ENG: variants seen among roughly 807,000 people sequenced by gnomAD.
ENG encodes the protein endoglin.
In ENG, 17 loss-of-function variants were observed where a neutral mutation model predicts 71.0. The ratio of observed to expected loss-of-function variants is 0.24; its 90% CI spans 0.16 to 0.36. The LOEUF (loss-of-function observed/expected upper bound fraction) is 0.36, where lower values mean the gene tolerates loss of function less well. Ranked by LOEUF, ENG falls within the 10% of genes least tolerant of loss-of-function variation. The probability of loss-of-function intolerance (pLI) is 1.00; values close to 1 mark genes in which losing one functional copy is unlikely to be tolerated. For synonymous variants in ENG, 360 were observed against 366.9 expected (o/e 0.98, Z 0.21); for missense variants, 749 against 868.3 (o/e 0.86, Z 1.73).
chr9:127,826,723 T>A, intron 3 of ENG, 51 bp from the exon 4 acceptor site: 1 of 1,607,404 alleles, frequency 6.2e-7, no homozygotes, highest in Non-Finnish European at 8.5e-7. Context: ...CTGTGCCCTC[T>A]CTATCCCATG....
intron 1 of ENG, 78 bp from the exon 2 acceptor site, chr9:127,843,323 A>G: frequency 6.3e-7 from 1 of 1,599,642 alleles, no homozygotes; most frequent in African/African-American, 1.3e-5. Context: ...AACGTCTCCT[A>G]GGGACTTGAC....
At position 127,824,737 on chromosome 9, in the gene ENG, AAC is replaced by A. The variant is rs1042205396; in HGVS notation, c.991+61_991+62del. 38 of 1,413,592 alleles carry A rather than the reference AAC, an allele frequency of 2.7e-5. No homozygotes were observed. In the African/African-American group the frequency reaches 5.2e-4, roughly 19 times the overall value. The allele number at this position is 1,413,592 out of a possible 1,614,324, so 87.6% of individuals were successfully genotyped here. ...CAAGCTCACACAGAGGTGCTTCACCAACAGTGTGGCCACTGATCCAAGGGAGG... is the reference window on the plus strand; with the variant it reads ...CAAGCTCACACAGAGGTGCTTCACCAAGTGTGGCCACTGATCCAAGGGAGG... On this transcript the variant is annotated intron_variant, in intron 7 of 14. Coordinates refer to ENST00000373203, the MANE Select transcript of ENG (RefSeq NM_001114753.3).
At chr9:127,816,110 C>A in intron 13 of ENG, 57 bp from the exon 14 acceptor site, 1 of 1,575,320 alleles carries the variant, frequency 6.3e-7, no homozygotes, top group East Asian at 2.3e-5. Flanking sequence ...ATCCCCTACC[C>A]TGTTGTGCTG....
Position 127,846,499 on chromosome 9 carries a change from TC to T in ENG, c.68-3255del, listed in dbSNP as rs1371754373. Among the ~76,000 whole-genome samples the T allele has an allele frequency of 6.6e-6, 1 of 152,068 alleles. No homozygotes were observed. Among genetic ancestry groups the T allele is most frequent in the East Asian group, 1.9e-4 (1 of 5,186 alleles). ...CCAGACTTCCAGGAACCCCAGTTCC[TC>T]CCGGATTGCTGGGGCCGCCTGGGGC... On this transcript the variant is annotated intron_variant, in intron 1 of 14. Transcript: ENST00000373203. The surrounding 1 kb of genome is among the most constrained non-coding windows in gnomAD (Gnocchi z 5.5).
chr9:127,816,179 C>T lies in ENG; in HGVS notation c.1742-126G>A. ...CCATGGACCCTCGACTTCTCTGAAC[C>T]TCAGTCTCCTCTTGCAGCAAACGGG... On this transcript the variant is annotated intron_variant, in intron 13 of 14. Transcript: ENST00000373203. The T allele has an allele frequency of 4.2e-6, 5 of 1,182,996 alleles. No individual in the cohort carries two copies. In the South Asian group the frequency reaches 5.3e-5, roughly 13 times the overall value. The allele number at this position is 1,182,996 out of a possible 1,614,324, so 73.3% of individuals were successfully genotyped here. A position where few individuals can be genotyped will look rare whatever the true frequency, so the allele number is the denominator to read the frequency against.
At chr9:127,818,889 A>T in intron 10 of ENG, 57 bp from the exon 11 acceptor site, 4 of 1,440,288 alleles carry the variant, frequency 2.8e-6, no homozygotes, top group Non-Finnish European at 3.9e-6. Flanking sequence ...CAGGAGGGCG[A>T]GGGGTGTGGG....
rs1036511427 is a variant in ENG, at chr9:127,838,486, T to C, written c.219+4608A>G. Among the ~76,000 whole-genome samples, 6 of 152,078 alleles carry C rather than the reference T, an allele frequency of 3.9e-5. No homozygotes were observed. Among genetic ancestry groups the C allele is most frequent in the African/African-American group, 1.4e-4 (6 of 41,406 alleles). On this transcript the variant is annotated intron_variant, in intron 2 of 14. Transcript: ENST00000373203. This position sits in a 1 kb window ranked among gnomAD's most constrained non-coding sequence, Gnocchi z 4.3. ...AGCTAAGGTCCCTCCCGGCTCTCTCTCTCTGCCTGAGTGGTGTTGCCTGCC... is the reference window on the plus strand; with the variant it reads ...AGCTAAGGTCCCTCCCGGCTCTCTCCCTCTGCCTGAGTGGTGTTGCCTGCC...
At position 127,825,347 on chromosome 9, in the gene ENG, C is replaced by A; in HGVS notation, c.700G>T (p.Val234Leu). The stretch of plus-strand genomic sequence containing the variant: ...CAGCTCAGTTCCACCTTCACCGTCA[C>A]CGTCCGGGGCCTGCGGGGAGACAGA... ...LPGHSAGPRT[V>L]TVKVELSCAP... The change falls in exon 6 of 15, where the codon GTG (valine) becomes TTG (leucine). Residue 234 changes from valine to leucine, a missense_variant. Val to Leu is a conservative substitution (Grantham distance 32). Coordinates refer to ENST00000373203, the MANE Select transcript of ENG (RefSeq NM_001114753.3). The A allele has an allele frequency of 1.9e-6, 3 of 1,610,350 alleles. No homozygotes were observed. Among genetic ancestry groups the A allele is most frequent in the Non-Finnish European group, 2.5e-6 (3 of 1,179,552 alleles).
rs749833857 is a variant in ENG, at chr9:127,817,216, G to A, written c.1687-13C>T. 8 of 1,613,486 alleles carry A rather than the reference G, an allele frequency of 5.0e-6. No individual in the cohort carries two copies. Among genetic ancestry groups the A allele is most frequent in the Non-Finnish European group, 6.8e-6 (8 of 1,179,736 alleles). On this transcript the variant is annotated splice_polypyrimidine_tract_variant and intron_variant, in intron 12 of 14. Transcript: ENST00000373203. ...TCCTATGGACTTCCTGGAGGAGAAA[G>A]AGAGAGCAGTATGTGGCACCTTTGG...
chr9:127,846,435 G>A lies in ENG; in HGVS notation c.68-3190C>T, dbSNP rs1042606248. Among the ~76,000 whole-genome samples, 2 of 152,112 alleles carry A rather than the reference G, an allele frequency of 1.3e-5. No individual in the cohort carries two copies. The highest frequency in any genetic ancestry group is 2.4e-5 in the African/African-American group (1 of 41,398). ...TGTCTGGCCTGCAGATTATCGCAGCGCCTCCCTCCTTCCCTTTGGGACTTT... is the reference window on the plus strand; with the variant it reads ...TGTCTGGCCTGCAGATTATCGCAGCACCTCCCTCCTTCCCTTTGGGACTTT... On this transcript the variant is annotated intron_variant, in intron 1 of 14. Coordinates refer to ENST00000373203, the MANE Select transcript of ENG (RefSeq NM_001114753.3). The surrounding 1 kb of genome is among the most constrained non-coding windows in gnomAD (Gnocchi z 5.5).
chr9:127,834,688 C>A (rs1830854012), intron 2 of ENG, among the ~76,000 whole-genome samples: 1 of 151,808 alleles, frequency 6.6e-6, no homozygotes, highest in Non-Finnish European at 1.5e-5. Flanking sequence ...TAAGCGTGTG[C>A]CACCACGCCC....
At chr9:127,839,433 G>T (rs186990335) in intron 2 of ENG, among the ~76,000 whole-genome samples, 47 of 152,334 alleles carry the variant, frequency 3.1e-4, no homozygotes, top group Admixed American at 5.2e-4. Context: ...AGCATCATGG[G>T]CTCAACCCTC....
rs1830562961 is a variant in ENG, at chr9:127,824,812, C to T, written c.979G>A (p.Ala327Thr). 1.3e-6 allele frequency: 2 copies of T among 1,572,676 alleles called. No homozygotes were observed. The highest frequency in any genetic ancestry group is 2.2e-5 in the East Asian group (1 of 44,490). Residue 327 changes from alanine to threonine, a missense_variant, in exon 7 of 15, where the codon GCC becomes ACC. Transcript: ENST00000373203. ...LPLASIVSLH[A>T]SSCGGRLQTS... ...GAAGGGTGCTCACCGCAGCTGGAGG[C>T]ATGAAGTGAGACAATGCTGGCCAGC...
chr9:127,819,640 C>T lies in ENG; in HGVS notation c.1293G>A (p.Ser431=), dbSNP rs774036076. The change falls in exon 10 of 15, where the codon TCG becomes TCA. Residue 431 remains serine, a synonymous_variant. Coordinates refer to ENST00000373203, the MANE Select transcript of ENG (RefSeq NM_001114753.3). ...ISNEAVVNIL[S]SSSPQRKKVH... ...ATCTCACCCGCTGTGGTGATGAGCT[C>T]GACAGGATATTGACCACCGCCTGCG... The T allele has an allele frequency of 2.2e-5, 36 of 1,612,204 alleles. No individual in the cohort carries two copies. The highest frequency in any genetic ancestry group is 2.7e-5 in the Non-Finnish European group (32 of 1,179,378).
chr9:127,839,845 T>C (rs10819311), intron 2 of ENG, among the ~76,000 whole-genome samples: 43,960 of 152,050 alleles, frequency 0.29, 8,035 homozygotes, highest in African/African-American at 0.52. Flanking sequence ...TGTGAGCCAC[T>C]GCGCCTGACC....
chr9:127,826,540 G>A lies in ENG; in HGVS notation c.493C>T (p.Pro165Ser), dbSNP rs1368341253. Residue 165 changes from proline to serine, a missense_variant, in exon 4 of 15, where the codon CCC becomes TCC. By Grantham distance (74) the Pro-to-Ser change is moderately conservative. Coordinates refer to ENST00000373203, the MANE Select transcript of ENG (RefSeq NM_001114753.3). ...PITSAAELND[P>S]QSILLRLGQA... ...CCCAGTCGGAGGAGGATGCTCTGGG[G>A]GTCATTCAGCTCAGCAGCAGAGGTG... 1.2e-6 allele frequency: 2 copies of A among 1,613,990 alleles called. No homozygotes were observed. The highest frequency in any genetic ancestry group is 1.7e-6 in the Non-Finnish European group (2 of 1,180,004).
chr9:127,818,511 G>C (rs1830390040), intron 11 of ENG, 134 bp from the exon 12 acceptor site: 3 of 1,509,202 alleles, frequency 2.0e-6, no homozygotes, highest in South Asian at 2.3e-5. Context: ...ACATGGACCT[G>C]TCTGGGGCAG....
intron 10 of ENG, chr9:127,819,324 G>T (rs1830416528): frequency 1.2e-5 from 5 of 434,058 alleles, no homozygotes; most frequent in Admixed American, 3.5e-5. Context: ...CTCATTGGCT[G>T]CCCAGAAGCA....
At position 127,818,187 on chromosome 9, in the gene ENG, G is replaced by C. The variant is rs754208447; in HGVS notation, c.1619C>G (p.Pro540Arg). 6.2e-7 allele frequency: 1 copy of C among 1,614,218 alleles called. No homozygotes were observed. The highest frequency in any genetic ancestry group is 1.1e-5 in the South Asian group (1 of 91,088). The change falls in exon 12 of 15, where the codon CCC becomes CGC. Residue 540 changes from proline (P) to arginine (R), a missense_variant. By Grantham distance (103) the Pro-to-Arg change is moderately radical. Transcript: ENST00000373203. The part of the protein sequence containing the change: ...FSFLLHFYTV[P>R]IPKTGTLSCT... ...GCTGAGGGTGCCGGTTTTGGGTATG[G>C]GTACTGTGTAGAAGTGGAGGAGGAA... is the stretch of plus-strand genomic sequence containing the variant.
Sources: gnomAD v4.1 joint callset for allele counts (sites outside exome capture counted in the v4.1 genomes callset) on GRCh38, gnomAD v4.1.1 for gene constraint, Gnocchi (gnomAD v3.1) non-coding constraint, MANE v1.5 for transcripts, NCBI Gene and HGNC (gene_info 2026-07-23, HGNC 2026-07-21) for gene names.